Variants in CNGB3 observed in about 807,000 individuals in gnomAD.
CNGB3 encodes cyclic nucleotide gated channel subunit beta 3.
Under a neutral mutation model 92.8 loss-of-function variants are expected in CNGB3, and 86 were observed. The observed-to-expected ratio is 0.93, with a 90% CI of 0.78 to 1.11. The LOEUF (loss-of-function observed/expected upper bound fraction) is 1.11. CNGB3 is among the 50% of genes least tolerant of loss of function. The pLI, the probability that CNGB3 is intolerant of heterozygous loss-of-function variation, is 0.00. For synonymous variants in CNGB3, 333 were observed against 332.7 expected (o/e 1.00, Z -0.01); for missense variants, 1,026 against 956.8 (o/e 1.07, Z -0.95).
intron 10 of CNGB3, among the ~76,000 whole-genome samples, chr8:86,638,611 G>A (rs1823119374): frequency 6.6e-6 from 1 of 152,058 alleles, no homozygotes; most frequent in African/African-American, 2.4e-5. Flanking sequence ...GTGCTACAAA[G>A]GTAGGTGTTT....
In CNGB3 at chr8:86,667,191, C is replaced by A. The variant is rs892831154; in HGVS notation, c.644-58G>T. ...ACATAGAACAAACACAGAAAGAATT[C>A]TGTTGCTTAGTTTGGGGAGGTTGGG... On this transcript the variant is annotated intron_variant, in intron 5 of 17. Coordinates refer to ENST00000320005, the MANE Select transcript of CNGB3 (RefSeq NM_019098.5). The A allele has an allele frequency of 7.1e-5, 106 of 1,497,762 alleles. No homozygotes were observed. The Middle Eastern group carries it at 1.6e-3, about 22-fold the overall frequency. The allele number at this position is 1,497,762 out of a possible 1,614,324, so 92.8% of individuals were successfully genotyped here. A position where few individuals can be genotyped will look rare whatever the true frequency, so the allele number is the denominator to read the frequency against.
At chr8:86,576,576 C>T (rs1297168235) in intron 17 of CNGB3, among the ~76,000 whole-genome samples, 1 of 152,104 alleles carries the variant, frequency 6.6e-6, no homozygotes, top group African/African-American at 2.4e-5. Flanking sequence ...TGTGGGAGAA[C>T]CTCAGGGAGA....
intron 13 of CNGB3, among the ~76,000 whole-genome samples, chr8:86,624,464 G>T (rs1822804925): frequency 6.6e-6 from 1 of 152,010 alleles, no homozygotes; most frequent in African/African-American, 2.4e-5. Context: ...GATCCTCCAA[G>T]CCCCTCCATT....
intron 7 of CNGB3, 128 bp downstream of exon 7, chr8:86,653,884 C>T (rs1452805667): frequency 1.4e-6 from 1 of 719,882 alleles, no homozygotes; most frequent in Non-Finnish European, 2.5e-6. Context: ...GAGGCAGAAA[C>T]TTCAGGCTTA....
At chr8:86,720,813 CATATAT>C (rs4024072) in intron 3 of CNGB3, among the ~76,000 whole-genome samples, 56,395 of 134,072 alleles carry the variant, frequency 0.42, 12,985 homozygotes, top group African/African-American at 0.6. Flanking sequence ...TATTCCATGG[CATATAT>C]ATATATATAT....
intron 4 of CNGB3, among the ~76,000 whole-genome samples, chr8:86,669,929 C>A (rs915482635): frequency 1.3e-5 from 2 of 151,990 alleles, no homozygotes; most frequent in African/African-American, 4.8e-5. Context: ...TGGCTCACTG[C>A]AACCTCTGCC....
At chr8:86,720,450 TACC>T (rs1456186433) in intron 3 of CNGB3, among the ~76,000 whole-genome samples, 1 of 152,104 alleles carries the variant, frequency 6.6e-6, no homozygotes, top group Admixed American at 6.5e-5. Flanking sequence ...CACAATGCAA[TACC>T]ACCTCACTCC....
At chr8:86,649,384 A>G (rs1823354275) in intron 7 of CNGB3, among the ~76,000 whole-genome samples, 1 of 151,560 alleles carries the variant, frequency 6.6e-6, no homozygotes, top group Admixed American at 6.6e-5. Context: ...AAAAAGCACA[A>G]ATCTGAAGGC....
chr8:86,684,024 T>C (rs563459428), intron 3 of CNGB3, among the ~76,000 whole-genome samples: 19 of 152,226 alleles, frequency 1.2e-4, no homozygotes, highest in Admixed American at 1.2e-3. Context: ...TTGTGAAAGA[T>C]ATTGTCATGT....
chr8:86,715,981 T>TA (rs915399373), intron 3 of CNGB3, among the ~76,000 whole-genome samples: 20 of 151,188 alleles, frequency 1.3e-4, no homozygotes, highest in Admixed American at 1.1e-3. Context: ...ATAATAATAA[T>TA]AAAAAAAATT....
chr8:86,627,683 T>C (rs1822874991), intron 12 of CNGB3, among the ~76,000 whole-genome samples: 2 of 152,234 alleles, frequency 1.3e-5, no homozygotes. Context: ...GTAACAATTA[T>C]TTTTAACTGC....
intron 15 of CNGB3, among the ~76,000 whole-genome samples, chr8:86,584,264 G>A (rs1821849326): frequency 6.6e-6 from 1 of 152,116 alleles, no homozygotes; most frequent in African/African-American, 2.4e-5. Flanking sequence ...GACAATGATT[G>A]GATGAGTCTG....
chr8:86,640,074 G>A (rs1179295290), intron 10 of CNGB3, among the ~76,000 whole-genome samples: 1 of 151,994 alleles, frequency 6.6e-6, no homozygotes, highest in African/African-American at 2.4e-5. Context: ...AATCAAGCTT[G>A]TTATTTGGGT....
chr8:86,683,547 A>T (rs376314347), intron 3 of CNGB3, among the ~76,000 whole-genome samples: 1 of 152,168 alleles, frequency 6.6e-6, no homozygotes, highest in Non-Finnish European at 1.5e-5. Flanking sequence ...ATTCCTTAAG[A>T]TGCAAACAGA....
At chr8:86,609,905 A>G (rs1156929665) in intron 14 of CNGB3, among the ~76,000 whole-genome samples, 1 of 152,108 alleles carries the variant, frequency 6.6e-6, no homozygotes, top group East Asian at 1.9e-4. Flanking sequence ...CTGACAACCT[A>G]ATAACCTCCC....
At chr8:86,580,926 C>T (rs779630796) in intron 15 of CNGB3, among the ~76,000 whole-genome samples, 11 of 152,142 alleles carry the variant, frequency 7.2e-5, no homozygotes, top group Non-Finnish European at 1.2e-4. Flanking sequence ...ACACTCTGAC[C>T]TTTGGAAGCA....
chr8:86,740,259 T>C (rs996853809), intron 1 of CNGB3, among the ~76,000 whole-genome samples: 3 of 152,130 alleles, frequency 2.0e-5, no homozygotes. Context: ...AACATAAAGA[T>C]TGACTCCCAA....
chr8:86,707,765 G>A (rs566349962), intron 3 of CNGB3: 1 of 152,336 alleles, frequency 6.6e-6, no homozygotes, highest in Admixed American at 6.5e-5. Flanking sequence ...CAGTTAGAAG[G>A]CTACTGCAAT....
chr8:86,653,116 G>A (rs1476271578), intron 7 of CNGB3, among the ~76,000 whole-genome samples: 1 of 151,994 alleles, frequency 6.6e-6, no homozygotes, highest in Admixed American at 6.6e-5. Context: ...TATGTGGTCT[G>A]TCATTGACTG....
Sources: allele counts gnomAD v4.1 joint callset (sites outside exome capture counted in the v4.1 genomes callset), GRCh38; gene constraint gnomAD v4.1.1; transcripts MANE v1.5; gene names NCBI Gene and HGNC (gene_info 2026-07-23, HGNC 2026-07-21).